LARGE1: variants seen among roughly 807,000 people sequenced by gnomAD.
LARGE1 encodes the protein LARGE xylosyl- and glucuronyltransferase 1.
Under a neutral mutation model 87.6 loss-of-function variants are expected in LARGE1, and 43 were observed. That is an observed-to-expected ratio of 0.49 (90% CI 0.38 to 0.63). LARGE1 has a LOEUF of 0.63. Ranked by LOEUF, LARGE1 falls within the 30% of genes least tolerant of loss-of-function variation. The pLI is 0.00. For missense variants in LARGE1, 802 were observed against 1,000.2 expected, an observed-to-expected ratio of 0.80 and a Z score of 2.67; for synonymous variants, 434 against 394.6, an observed-to-expected ratio of 1.10 and a Z score of -1.18.
rs556648490 is a variant in LARGE1 at position 33,289,037 on chromosome 22, C to T, written c.1731-5689G>A. 1.1e-4 allele frequency among the ~76,000 whole-genome samples: 17 copies of T among 152,226 alleles called. No homozygotes were observed. The South Asian group carries it at 3.5e-3, about 32-fold the overall frequency. On this transcript the variant is annotated intron_variant, in intron 12 of 14. Coordinates refer to ENST00000397394, the MANE Select transcript of LARGE1 (RefSeq NM_133642.5). ...GCGGTGGTGCGATCTCGGCTCACTG[C>T]AAGCTCCGCCTCCCGGGTTCACGCC... is the stretch of plus-strand genomic sequence containing the variant.
chr22:33,247,506 G>A (rs562821928), intron 11 of LARGE1, among the ~76,000 whole-genome samples: 1 of 152,254 alleles, frequency 6.6e-6, no homozygotes, highest in East Asian at 1.9e-4. Flanking sequence ...CACAGATCAC[G>A]TAAAAATATT....
At chr22:33,563,663 T>C (rs2077931202) in intron 6 of LARGE1, among the ~76,000 whole-genome samples, 2 of 152,208 alleles carry the variant, frequency 1.3e-5, no homozygotes, top group Admixed American at 1.3e-4. Context: ...TCTTTCTTTA[T>C]GAAACAAAAG....
At chr22:33,537,748 T>A (rs1329506185) in intron 6 of LARGE1, among the ~76,000 whole-genome samples, 1 of 152,068 alleles carries the variant, frequency 6.6e-6, no homozygotes, top group Non-Finnish European at 1.5e-5. Flanking sequence ...TTTTTTGGAT[T>A]TTTTAGTAGA....
At chr22:33,353,035 C>T (rs1940543311) in intron 9 of LARGE1, among the ~76,000 whole-genome samples, 1 of 152,146 alleles carries the variant, frequency 6.6e-6, no homozygotes, top group African/African-American at 2.4e-5. Context: ...AGAAATGACT[C>T]CCTAATTGGA....
At chr22:33,482,386 T>G (rs2069367810) in intron 6 of LARGE1, among the ~76,000 whole-genome samples, 2 of 152,222 alleles carry the variant, frequency 1.3e-5, no homozygotes, top group South Asian at 4.1e-4. Context: ...TGGTGTTCTA[T>G]GCTGAGCCTT....
chr22:33,631,441 A>T (rs1168582037), intron 3 of LARGE1, among the ~76,000 whole-genome samples: 1 of 152,204 alleles, frequency 6.6e-6, no homozygotes, highest in Non-Finnish European at 1.5e-5. Context: ...TTTCTGTTTT[A>T]AAAATTATTT....
At chr22:33,134,523 C>G in the LARGE1 span, among the ~76,000 whole-genome samples, 2 of 152,202 alleles carry the variant, frequency 1.3e-5, no homozygotes, top group African/African-American at 4.8e-5. Flanking sequence ...TCCCAAAGTG[C>G]TGGGATTACA....
intron 6 of LARGE1, among the ~76,000 whole-genome samples, chr22:33,444,676 T>C (rs534228882): frequency 6.6e-6 from 1 of 152,208 alleles, no homozygotes; most frequent in South Asian, 2.1e-4. Flanking sequence ...TCATTTGGTA[T>C]AAGGTTAATG....
intron 5 of LARGE1, among the ~76,000 whole-genome samples, chr22:33,586,411 G>C (rs1167701688): frequency 6.6e-6 from 1 of 151,406 alleles, no homozygotes; most frequent in South Asian, 2.1e-4. Context: ...CCTTACACCT[G>C]TGAATACGCC....
intron 6 of LARGE1, among the ~76,000 whole-genome samples, chr22:33,517,510 T>G (rs933660780): frequency 6.6e-6 from 1 of 152,044 alleles, no homozygotes; most frequent in Non-Finnish European, 1.5e-5. Flanking sequence ...GCCTCCCGAA[T>G]AGCTGGGAAT....
intron 1 of LARGE1, among the ~76,000 whole-genome samples, chr22:33,904,152 G>A (rs1426215493): frequency 6.6e-6 from 1 of 152,106 alleles, no homozygotes; most frequent in African/African-American, 2.4e-5. Flanking sequence ...CCGGGGATGT[G>A]GTGGAGGTTC....
chr22:33,173,664 GAA>G (rs578099669), intron 11 of LARGE1, among the ~76,000 whole-genome samples: 2 of 136,142 alleles, frequency 1.5e-5, no homozygotes, highest in South Asian at 4.7e-4. Context: ...CAAATAGAAA[GAA>G]AAAAAAAAAG....
chr22:33,389,399 G>A (rs539861228), intron 7 of LARGE1, among the ~76,000 whole-genome samples: 2 of 152,312 alleles, frequency 1.3e-5, no homozygotes, highest in South Asian at 2.1e-4. Flanking sequence ...GAGGCCCCAG[G>A]CCCTACCAAA....
the LARGE1 span, among the ~76,000 whole-genome samples, chr22:33,089,254 GTCTTCTTCC>G: frequency 6.6e-6 from 1 of 151,440 alleles, no homozygotes; most frequent in Non-Finnish European, 1.5e-5. Flanking sequence ...TGTTTCTTCT[GTCTTCTTCC>G]TCTTCTTCTT....
intron 9 of LARGE1, among the ~76,000 whole-genome samples, chr22:33,372,484 G>A (rs2064846790): frequency 1.3e-5 from 2 of 152,176 alleles, no homozygotes. Context: ...CAATCAAGGT[G>A]GAAGGCAAAA....
At chr22:33,738,444 T>C (rs928588611) in intron 2 of LARGE1, among the ~76,000 whole-genome samples, 5 of 152,144 alleles carry the variant, frequency 3.3e-5, no homozygotes, top group African/African-American at 1.2e-4. Context: ...GGGCCTCAGA[T>C]GGCTCAGATG....
Position 33,901,291 on chromosome 22 carries a change from C to G in LARGE1, c.-83+18704G>C, listed in dbSNP as rs565552656. Among the ~76,000 whole-genome samples the G allele has an allele frequency of 3.3e-5, 5 of 152,098 alleles. No homozygotes were observed. In the South Asian group the frequency reaches 1.0e-3, roughly 32 times the overall value. ...GACACCTTGGCTTTGGACTTCTGGC[C>G]TCCAGAACTGTGAGACAATTAATGT... On this transcript the variant is annotated intron_variant, in intron 1 of 14. Coordinates refer to ENST00000397394, the MANE Select transcript of LARGE1 (RefSeq NM_133642.5).
intron 11 of LARGE1, among the ~76,000 whole-genome samples, chr22:33,180,919 T>C (rs1004868971): frequency 1.3e-5 from 2 of 152,122 alleles, no homozygotes; most frequent in African/African-American, 4.8e-5. Flanking sequence ...GGGATAGGAT[T>C]GGGAGTAGGC....
At chr22:33,331,423 T>G (rs1252797090) in intron 10 of LARGE1, among the ~76,000 whole-genome samples, 1 of 151,656 alleles carries the variant, frequency 6.6e-6, no homozygotes, top group Non-Finnish European at 1.5e-5. Flanking sequence ...TTTTTTTTTT[T>G]TTTGACGGAG....
Sources: allele counts gnomAD v4.1 joint callset (sites outside exome capture counted in the v4.1 genomes callset), GRCh38; gene constraint gnomAD v4.1.1; transcripts MANE v1.5; gene names NCBI Gene and HGNC (gene_info 2026-07-23, HGNC 2026-07-21).